Variants in TTC39B observed in about 807,000 individuals in gnomAD.
The protein encoded by TTC39B is tetratricopeptide repeat protein 39B.
Under a neutral mutation model 96.6 loss-of-function variants are expected in TTC39B, and 92 were observed. The observed-to-expected ratio is 0.95, with a 90% CI of 0.80 to 1.13. The LOEUF (loss-of-function observed/expected upper bound fraction) is 1.13, where lower values mean the gene tolerates loss of function less well. Ranked by LOEUF, TTC39B falls within the 50% of genes most tolerant of loss-of-function variation. The pLI, the probability that TTC39B is intolerant of heterozygous loss-of-function variation, is 0.00. For missense variants in TTC39B, 955 were observed against 809.3 expected (o/e 1.18, Z -2.18); for synonymous variants, 367 against 299.4 (o/e 1.23, Z -2.33).
chr9:15,270,934 C>G (rs1466321355), intron 1 of TTC39B, among the ~76,000 whole-genome samples: 2 of 152,190 alleles, frequency 1.3e-5, no homozygotes, highest in African/African-American at 4.8e-5. Flanking sequence ...GAGTACCTAT[C>G]ATGTGCCAGG....
chr9:15,284,603 G>A (rs1383618951), intron 1 of TTC39B, among the ~76,000 whole-genome samples: 1 of 152,098 alleles, frequency 6.6e-6, no homozygotes, highest in African/African-American at 2.4e-5. Flanking sequence ...CCTGGGAAAG[G>A]TGTAGGGTAC....
intron 1 of TTC39B, among the ~76,000 whole-genome samples, chr9:15,297,031 G>A (rs1453994436): frequency 6.6e-6 from 1 of 152,102 alleles, no homozygotes; most frequent in Admixed American, 6.5e-5. Flanking sequence ...GCCAAACTCG[G>A]TAGCTAAGCA....
intron 2 of TTC39B, among the ~76,000 whole-genome samples, chr9:15,226,861 C>T (rs1176554779): frequency 6.6e-6 from 1 of 152,034 alleles, no homozygotes; most frequent in African/African-American, 2.4e-5. Context: ...AATAGAATTG[C>T]CAATCTCCTT....
At chr9:15,239,716 T>C (rs889366480) in intron 2 of TTC39B, among the ~76,000 whole-genome samples, 1 of 151,944 alleles carries the variant, frequency 6.6e-6, no homozygotes, top group African/African-American at 2.4e-5. Flanking sequence ...TAGGTACAAA[T>C]GCAAATAAAG....
chr9:15,221,170 C>G (rs1820822616), intron 3 of TTC39B, among the ~76,000 whole-genome samples: 1 of 152,136 alleles, frequency 6.6e-6, no homozygotes, highest in Non-Finnish European at 1.5e-5. Flanking sequence ...TGCCCCCTAA[C>G]TTTAGTGTCC....
intron 2 of TTC39B, among the ~76,000 whole-genome samples, chr9:15,247,469 T>A (rs1011151090): frequency 6.6e-6 from 1 of 152,170 alleles, no homozygotes; most frequent in Non-Finnish European, 1.5e-5. Flanking sequence ...TCCAACTCAT[T>A]ACAGGAGACA....
At chr9:15,257,603 C>T (rs898668455) in intron 2 of TTC39B, among the ~76,000 whole-genome samples, 8 of 152,096 alleles carry the variant, frequency 5.3e-5, no homozygotes, top group African/African-American at 1.9e-4. Context: ...TGTGTCACCA[C>T]ACCTGGCTAA....
exon 20 of TTC39B, chr9:15,171,348 A>T (rs1817650391): frequency 6.6e-6 from 1 of 152,142 alleles, no homozygotes; most frequent in Non-Finnish European, 1.5e-5. Flanking sequence ...GGGGTTTTGA[A>T]TTTTGTTATT....
intron 7 of TTC39B, among the ~76,000 whole-genome samples, chr9:15,201,765 G>C (rs192536369): frequency 1.3e-5 from 2 of 152,244 alleles, no homozygotes; most frequent in African/African-American, 4.8e-5. Context: ...TGCGGGGGGC[G>C]GGTAGGGAAC....
chr9:15,237,405 A>G (rs1821834662), intron 2 of TTC39B, among the ~76,000 whole-genome samples: 1 of 152,184 alleles, frequency 6.6e-6, no homozygotes, highest in Non-Finnish European at 1.5e-5. Flanking sequence ...CAAGAAAATA[A>G]AAGAGAAGAT....
intron 2 of TTC39B, among the ~76,000 whole-genome samples, chr9:15,251,700 C>CATATACATATATAT (rs1220028763): frequency 4.1e-5 from 4 of 98,366 alleles, no homozygotes; most frequent in East Asian, 5.3e-4. Context: ...CATACATATA[C>CATATACATATATAT]ATATATATAT....
chr9:15,181,919 A>G (rs1261676894), intron 17 of TTC39B, among the ~76,000 whole-genome samples: 1 of 152,150 alleles, frequency 6.6e-6, no homozygotes. Flanking sequence ...CACCACAGTC[A>G]ACTGTAGAAC....
At chr9:15,278,842 T>A (rs753872999) in intron 1 of TTC39B, among the ~76,000 whole-genome samples, 7 of 152,194 alleles carry the variant, frequency 4.6e-5, no homozygotes, top group Non-Finnish European at 1.0e-4. Flanking sequence ...TACTATGTTC[T>A]AATAATAACA....
intron 2 of TTC39B, chr9:15,250,279 C>T (rs2131502942): frequency 1.1e-6 from 1 of 906,426 alleles, no homozygotes; most frequent in East Asian, 1.2e-4. Context: ...TAATTCTAAT[C>T]CATCACTGTT....
intron 2 of TTC39B, among the ~76,000 whole-genome samples, chr9:15,240,420 G>C (rs747102667): frequency 1.2e-4 from 19 of 152,226 alleles, no homozygotes; most frequent in Non-Finnish European, 2.8e-4. Context: ...TTCTTACAAA[G>C]CCTTCCTCAA....
chr9:15,295,913 G>A (rs759513983), intron 1 of TTC39B, among the ~76,000 whole-genome samples: 2 of 152,118 alleles, frequency 1.3e-5, no homozygotes, highest in Non-Finnish European at 2.9e-5. Flanking sequence ...TACTTTTGGG[G>A]GAGGATTTTG....
At chr9:15,233,896 C>T (rs1283568493) in intron 2 of TTC39B, among the ~76,000 whole-genome samples, 3 of 151,816 alleles carry the variant, frequency 2.0e-5, no homozygotes, top group Admixed American at 1.3e-4. Flanking sequence ...GCTGCCATCC[C>T]ATCTAGGAAG....
intron 15 of TTC39B, 97 bp from the exon 16 acceptor site, chr9:15,185,503 C>G: frequency 1.3e-6 from 2 of 1,540,818 alleles, no homozygotes; most frequent in South Asian, 2.5e-5. Context: ...AGACCACCAG[C>G]AGCAGCAGCA....
chr9:15,211,553 A>C lies in TTC39B; in HGVS notation c.483-156T>G, dbSNP rs528428875. On this transcript the variant is annotated intron_variant, in intron 4 of 19. Coordinates refer to ENST00000512701, the Ensembl canonical transcript of TTC39B. ...GGTGGTGAAAAGTAACCTCTTAAAA[A>C]CTCAAGTACCAAGGACTTTCCAATG... is the stretch of plus-strand genomic sequence containing the variant. Among the ~76,000 whole-genome samples, 5 of 152,230 alleles carry C rather than the reference A, an allele frequency of 3.3e-5. No individual in the cohort carries two copies. The South Asian group carries it at 1.0e-3, about 32-fold the overall frequency.
Sources: gnomAD v4.1 joint callset for allele counts (sites outside exome capture counted in the v4.1 genomes callset) on GRCh38, gnomAD v4.1.1 for gene constraint, MANE v1.5 for transcripts, NCBI Gene and HGNC (gene_info 2026-07-23, HGNC 2026-07-21) for gene names.